Variants in LIMK2 observed in about 807,000 individuals in gnomAD.
LIMK2 encodes LIM domain kinase 2.
In LIMK2, 35 loss-of-function variants were observed where a neutral mutation model predicts 75.7. The ratio of observed to expected loss-of-function variants is 0.46; its 90% CI spans 0.35 to 0.61. LIMK2 has a LOEUF of 0.61. LIMK2 is among the 20% of genes least tolerant of loss of function. The pLI, the probability that LIMK2 is intolerant of heterozygous loss-of-function variation, is 0.00. For synonymous variants in LIMK2, 301 were observed against 319.2 expected, an observed-to-expected ratio of 0.94 and a Z score of 0.61; for missense variants, 623 against 831.0, an observed-to-expected ratio of 0.75 and a Z score of 3.08.
intron 2 of LIMK2, among the ~76,000 whole-genome samples, chr22:31,233,704 C>A (rs1001777651): frequency 6.6e-6 from 1 of 152,154 alleles, no homozygotes; most frequent in African/African-American, 2.4e-5. Flanking sequence ...TTCACTCTTC[C>A]CCCTAAAACT....
intron 2 of LIMK2, among the ~76,000 whole-genome samples, chr22:31,233,454 C>CT (rs1412889126): frequency 7.2e-5 from 11 of 152,216 alleles, no homozygotes. Context: ...GCTTATCCTT[C>CT]TTTGTCCAGC....
chr22:31,220,485 G>A (rs2123766650), intron 1 of LIMK2, among the ~76,000 whole-genome samples: 1 of 152,310 alleles, frequency 6.6e-6, no homozygotes, highest in African/African-American at 2.4e-5. Flanking sequence ...ACATAATAAA[G>A]ATACAGTTCT....
At chr22:31,228,910 C>A (rs1241515265) in intron 2 of LIMK2, among the ~76,000 whole-genome samples, 1 of 152,016 alleles carries the variant, frequency 6.6e-6, no homozygotes, top group Non-Finnish European at 1.5e-5. Context: ...TGCCACTGTA[C>A]TCCATCCAGC....
At chr22:31,251,198 C>T (rs572261748) in intron 2 of LIMK2, among the ~76,000 whole-genome samples, 2 of 152,278 alleles carry the variant, frequency 1.3e-5, no homozygotes, top group Middle Eastern at 3.4e-3. Context: ...TGGCTTTTGT[C>T]GGACATCTTT....
chr22:31,221,360 G>T (rs2048432098), intron 1 of LIMK2, among the ~76,000 whole-genome samples: 1 of 148,430 alleles, frequency 6.7e-6, no homozygotes, highest in Admixed American at 6.9e-5. Context: ...CCGTTAATTT[G>T]TATTCATCCT....
At chr22:31,244,560 C>G (rs969606280) in intron 2 of LIMK2, among the ~76,000 whole-genome samples, 1 of 152,024 alleles carries the variant, frequency 6.6e-6, no homozygotes, top group Non-Finnish European at 1.5e-5. Flanking sequence ...ATCCTGACCT[C>G]CTGCTCAAGA....
At chr22:31,246,179 G>GCACACACACACACACACACA (rs1341395963) in intron 2 of LIMK2, among the ~76,000 whole-genome samples, 1,011 of 69,700 alleles carry the variant, frequency 0.015, 17 homozygotes, top group Middle Eastern at 0.037. Context: ...ACACACGCAC[G>GCACACACACACACACACACA]CACGCACACA....
Position 31,262,216 on chromosome 22 carries a change from G to T in LIMK2, c.634G>T (p.Val212Phe). ...DRILEINGTP[V>F]RTLRVEEVED... is the part of the protein sequence containing the mutation. ...CATCCTGGAGATCAATGGGACCCCCGTCCGCACACTTCGAGTGGAGGAGGT... is the reference window on the plus strand; with the variant it reads ...CATCCTGGAGATCAATGGGACCCCCTTCCGCACACTTCGAGTGGAGGAGGT... Residue 212 changes from valine (V) to phenylalanine (F), a missense_variant, in exon 6 of 16, where the codon GTC (valine) becomes TTC (phenylalanine). By Grantham distance (50) the Val-to-Phe change is conservative. Transcript: ENST00000331728. The surrounding 1 kb of genome is among the most constrained non-coding windows in gnomAD (Gnocchi z 5.0). 6.2e-7 allele frequency: 1 copy of T among 1,613,838 alleles called. No homozygotes were observed. The highest frequency in any genetic ancestry group is 8.5e-7 in the Non-Finnish European group (1 of 1,179,704).
In LIMK2 at chr22:31,246,181, A is replaced by ATG. The variant is rs1555886270; in HGVS notation, c.117-12110_117-12109insTG. 1.5e-4 allele frequency among the ~76,000 whole-genome samples: 17 copies of ATG among 115,180 alleles called. No homozygotes were observed. In the South Asian group the frequency reaches 3.4e-3, roughly 23 times the overall value. The allele number at this position is 115,180 out of a possible 152,430, so 75.6% of individuals were successfully genotyped here. On this transcript the variant is annotated intron_variant, in intron 2 of 15. Transcript: ENST00000331728. ...GAGCGAGACTCCGACACACGCACGC[A>ATG]CGCACACACACACACACACACACAC...
intron 1 of LIMK2, among the ~76,000 whole-genome samples, chr22:31,214,920 T>C (rs2048377982): frequency 1.3e-5 from 2 of 152,164 alleles, no homozygotes; most frequent in South Asian, 4.1e-4. Context: ...CTCAGCTTCC[T>C]GAGTAGCTGG....
At chr22:31,267,147 A>C in intron 9 of LIMK2, 77 bp downstream of exon 9, 1 of 807,730 alleles carries the variant, frequency 1.2e-6, no homozygotes, top group Non-Finnish European at 2.0e-6. Flanking sequence ...TGGCTTCAAG[A>C]GAAAATACAG....
chr22:31,259,824 G>T (rs2048819605), intron 4 of LIMK2, 65 bp from the exon 5 acceptor site: 9 of 1,427,482 alleles, frequency 6.3e-6, no homozygotes, highest in Admixed American at 2.3e-5. Flanking sequence ...ACATGGTGCA[G>T]TGGTTGCTGG....
intron 2 of LIMK2, among the ~76,000 whole-genome samples, chr22:31,241,012 T>G (rs2048619872): frequency 6.6e-6 from 1 of 152,228 alleles, no homozygotes; most frequent in Admixed American, 6.5e-5. Flanking sequence ...TAAAATGAAA[T>G]CAAGTGGAAA....
chr22:31,268,012 C>G lies in LIMK2; in HGVS notation c.1260+105C>G, dbSNP rs73394316. On this transcript the variant is annotated intron_variant, in intron 10 of 15. Coordinates refer to ENST00000331728, the MANE Select transcript of LIMK2 (RefSeq NM_005569.4). ...AGGGCAGAGGGGCCCTGCTTTGCCT[C>G]CAAAGGACCATGCTGGGTGGGACTG... 4.4e-3 allele frequency: 6,842 copies of G among 1,541,320 alleles called. 259 individuals carry two copies. The African/African-American group carries it at 0.079, about 18-fold the overall frequency.
At chr22:31,277,116 G>A (rs1223993269) in intron 15 of LIMK2, 1 of 1,613,916 alleles carries the variant, frequency 6.2e-7, no homozygotes, top group Non-Finnish European at 8.5e-7. Context: ...CCATGCAGAA[G>A]CTGAGCACAC....
chr22:31,255,361 G>C (rs1171950041), intron 2 of LIMK2, among the ~76,000 whole-genome samples: 3 of 152,124 alleles, frequency 2.0e-5, no homozygotes, highest in Non-Finnish European at 1.5e-5. Context: ...GCAGTTTTGA[G>C]ACACTTCACA....
At chr22:31,246,998 G>A (rs2048677540) in intron 2 of LIMK2, among the ~76,000 whole-genome samples, 1 of 152,202 alleles carries the variant, frequency 6.6e-6, no homozygotes, top group South Asian at 2.1e-4. Flanking sequence ...AAACCCATGT[G>A]CTCTTATCAC....
intron 14 of LIMK2, among the ~76,000 whole-genome samples, chr22:31,274,832 GCACA>G (rs1393159859): frequency 6.6e-6 from 1 of 152,068 alleles, no homozygotes; most frequent in Non-Finnish European, 1.5e-5. Flanking sequence ...CTTAACTCTG[GCACA>G]CACACACAGC....
rs576027429 is a variant in LIMK2, at chr22:31,223,471, G to T, written c.17-2249G>T. Among the ~76,000 whole-genome samples, 5 of 152,268 alleles carry T rather than the reference G, an allele frequency of 3.3e-5. No homozygotes were observed. The South Asian group carries it at 8.3e-4, about 25-fold the overall frequency. ...ATTTTGGGTTAAAAAGTAAAAACAA[G>T]AAACAAGGTGTGGCTCTAAAATAAT... is the stretch of plus-strand genomic sequence containing the variant. On this transcript the variant is annotated intron_variant, in intron 1 of 15. Transcript: ENST00000331728.
Sources: allele counts gnomAD v4.1 joint callset (sites outside exome capture counted in the v4.1 genomes callset), GRCh38; gene constraint gnomAD v4.1.1; non-coding constraint Gnocchi (gnomAD v3.1); transcripts MANE v1.5; gene names NCBI Gene and HGNC (gene_info 2026-07-23, HGNC 2026-07-21).